The following FGD6 variants were observed in gnomAD, a reference collection of about 807,000 sequenced individuals.
FGD6 encodes the protein FYVE, RhoGEF and PH domain-containing protein 6.
Under a neutral mutation model 149.4 loss-of-function variants are expected in FGD6, and 90 were observed. That is an observed-to-expected ratio of 0.60 (90% CI 0.51 to 0.72). The LOEUF (loss-of-function observed/expected upper bound fraction) is 0.72. FGD6 is among the 30% of genes least tolerant of loss of function. The pLI, the probability that FGD6 is intolerant of heterozygous loss-of-function variation, is 0.00. For missense variants in FGD6, 1,437 were observed against 1,684.8 expected, an observed-to-expected ratio of 0.85 and a Z score of 2.57; for synonymous variants, 527 against 584.0, an observed-to-expected ratio of 0.90 and a Z score of 1.41.
At chr12:95,203,023 T>C (rs765835149) in intron 2 of FGD6, among the ~76,000 whole-genome samples, 6 of 152,200 alleles carry the variant, frequency 3.9e-5, no homozygotes, top group South Asian at 4.1e-4. Context: ...AATCCTTACA[T>C]TGAAATCCAA....
chr12:95,166,605 G>T (rs763932481), intron 3 of FGD6, among the ~76,000 whole-genome samples: 2 of 152,024 alleles, frequency 1.3e-5, no homozygotes, highest in Non-Finnish European at 2.9e-5. Context: ...TAAGGAGGAA[G>T]GGACGAGAGA....
In FGD6 at chr12:95,201,930, A is replaced by C. The variant is rs540735697; in HGVS notation, c.2441+6913T>G. On this transcript the variant is annotated intron_variant, in intron 2 of 20. Coordinates refer to ENST00000343958, the MANE Select transcript of FGD6 (RefSeq NM_018351.4). ...TGTGCAAATTTCAGCTATCTCAAAA[A>C]AATGTTTTACTAAGCAGGACAGAAT... Among the ~76,000 whole-genome samples the C allele has an allele frequency of 4.6e-5, 7 of 151,036 alleles. No individual in the cohort carries two copies. In the East Asian group the frequency reaches 1.4e-3, roughly 29 times the overall value.
chr12:95,120,419 G>A (rs1879154864), intron 8 of FGD6, among the ~76,000 whole-genome samples: 1 of 151,742 alleles, frequency 6.6e-6, no homozygotes, highest in African/African-American at 2.4e-5. Flanking sequence ...GGGCATGGTG[G>A]TTCATGTCTG....
rs1195767678 is a variant in FGD6 at position 95,100,054 on chromosome 12, A to AT, written c.3497+4952dup. 1.9e-3 allele frequency among the ~76,000 whole-genome samples: 29 copies of AT among 15,428 alleles called. 1 individual carries two copies. The highest frequency in any genetic ancestry group is 2.6e-3 in the Non-Finnish European group (25 of 9,670). The allele number at this position is 15,428 out of a possible 152,430, so 10.1% of individuals were successfully genotyped here. On this transcript the variant is annotated intron_variant, in intron 14 of 20. Transcript: ENST00000343958. ...ATGCTCCTCAGAGATAACTTTTCTGATCCCCCCCCCCCCCACCCCATATAA... is the reference window on the plus strand; with the variant it reads ...ATGCTCCTCAGAGATAACTTTTCTGATTCCCCCCCCCCCCCACCCCATATAA...
Position 95,102,780 on chromosome 12 carries a change from A to T in FGD6, c.3497+2227T>A, listed in dbSNP as rs534783402. Reference sequence around the variant, plus strand: ...TGAGTCCTTGACATTCATGGACGTAAGCAAAATTATAAAGGTTGTCAGAAA... The same window carrying T: ...TGAGTCCTTGACATTCATGGACGTATGCAAAATTATAAAGGTTGTCAGAAA... On this transcript the variant is annotated intron_variant, in intron 14 of 20. Coordinates refer to ENST00000343958, the MANE Select transcript of FGD6 (RefSeq NM_018351.4). Among the ~76,000 whole-genome samples the T allele has an allele frequency of 2.7e-3, 417 of 152,224 alleles. 4 individuals are homozygous for T. Among genetic ancestry groups the T allele is most frequent in the African/African-American group, 9.6e-3 (397 of 41,528 alleles).
In FGD6 at chr12:95,082,456, G is replaced by A. The variant is rs563066158; in HGVS notation, c.4257-900C>T. On this transcript the variant is annotated intron_variant, in intron 20 of 20. Coordinates refer to ENST00000343958, the MANE Select transcript of FGD6 (RefSeq NM_018351.4). ...GCAGATCACCTGAGGTCAGAAGTTCGAGACCAGCCTGGCCAATATGGTGAA... is the reference window on the plus strand; with the variant it reads ...GCAGATCACCTGAGGTCAGAAGTTCAAGACCAGCCTGGCCAATATGGTGAA... 2.4e-3 allele frequency among the ~76,000 whole-genome samples: 371 copies of A among 151,864 alleles called. 2 individuals carry two copies. The highest frequency in any genetic ancestry group is 8.5e-3 in the African/African-American group (352 of 41,432).
intron 1 of FGD6, among the ~76,000 whole-genome samples, chr12:95,211,879 A>G (rs1344256565): frequency 3.9e-5 from 6 of 152,158 alleles, no homozygotes; most frequent in African/African-American, 1.2e-4. Context: ...AATTGACTTC[A>G]GTTTGGGACC....
rs988920925 is a variant in FGD6 at position 95,138,266 on chromosome 12, G to A, written c.2838-588C>T. 6.1e-5 allele frequency among the ~76,000 whole-genome samples: 9 copies of A among 147,486 alleles called. No homozygotes were observed. The South Asian group carries it at 8.6e-4, about 14-fold the overall frequency. On this transcript the variant is annotated intron_variant, in intron 6 of 20. Transcript: ENST00000343958. The stretch of plus-strand genomic sequence containing the variant: ...TAAATAACTCACTCACTCCTTGGAT[G>A]GGCACGATGGCTCACGCCTGTAATC...
At chr12:95,097,411 G>A in intron 14 of FGD6, among the ~76,000 whole-genome samples, 1 of 152,034 alleles carries the variant, frequency 6.6e-6, no homozygotes, top group East Asian at 1.9e-4. Flanking sequence ...CGAGGAGGGT[G>A]GATCACCTGA....
chr12:95,094,626 C>A lies in FGD6; in HGVS notation c.3566G>T (p.Arg1189Ile). The A allele has an allele frequency of 6.2e-7, 1 of 1,612,922 alleles. No individual in the cohort carries two copies. Among genetic ancestry groups the A allele is most frequent in the South Asian group, 1.1e-5 (1 of 90,982 alleles). The change falls in exon 15 of 21, where the codon AGA becomes ATA. Residue 1189 changes from arginine (R) to isoleucine (I), a missense_variant. Transcript: ENST00000343958. ...ACTCCTACTAGGACAGAAGGTGATT[C>A]TTTTCTTGGCATACTCTTCTATTGC... ...SRAIEEYAKKRITFCPSRSLD... is the reference protein window; with the variant it reads ...SRAIEEYAKKIITFCPSRSLD...
At chr12:95,162,112 A>G (rs539511663) in intron 3 of FGD6, among the ~76,000 whole-genome samples, 1 of 151,690 alleles carries the variant, frequency 6.6e-6, no homozygotes, top group South Asian at 2.1e-4. Context: ...AAAAAAAAAA[A>G]AAAAAAAGCC....
intron 3 of FGD6, among the ~76,000 whole-genome samples, chr12:95,169,322 A>C (rs577494971): frequency 3.3e-5 from 5 of 152,180 alleles, no homozygotes; most frequent in Non-Finnish European, 7.4e-5. Flanking sequence ...GCTTGAGATG[A>C]TGAAAAAAAT....
chr12:95,127,104 T>G (rs546051489), intron 8 of FGD6, among the ~76,000 whole-genome samples: 18 of 152,104 alleles, frequency 1.2e-4, no homozygotes, highest in African/African-American at 4.1e-4. Context: ...TTGTCTGGAG[T>G]GCAGGACAGC....
intron 8 of FGD6, among the ~76,000 whole-genome samples, chr12:95,131,015 T>G (rs1157034856): frequency 6.6e-6 from 1 of 152,110 alleles, no homozygotes; most frequent in Non-Finnish European, 1.5e-5. Flanking sequence ...TTCACCTTTG[T>G]GCTTGTGCCT....
At chr12:95,179,380 C>G (rs1377596297) in intron 2 of FGD6, among the ~76,000 whole-genome samples, 1 of 151,852 alleles carries the variant, frequency 6.6e-6, no homozygotes, top group Non-Finnish European at 1.5e-5. Flanking sequence ...GCCTGTGGTC[C>G]TAGCTACCTA....
chr12:95,198,999 G>T (rs1342769729), intron 2 of FGD6, among the ~76,000 whole-genome samples: 1 of 152,198 alleles, frequency 6.6e-6, no homozygotes, highest in Non-Finnish European at 1.5e-5. Flanking sequence ...ATATGCATCT[G>T]TGTGTGGGGC....
rs977877863 is a variant in FGD6, at chr12:95,135,340, G to A, written c.2995-514C>T. Among the ~76,000 whole-genome samples, 11 of 152,238 alleles carry A rather than the reference G, an allele frequency of 7.2e-5. No homozygotes were observed. The South Asian group carries it at 1.9e-3, about 26-fold the overall frequency. ...AGAAAGTAAAGATAACCTGAAAAGC[G>A]GCCTTGCTAAGTATCCCTTCTTTAA... On this transcript the variant is annotated intron_variant, in intron 7 of 20. Coordinates refer to ENST00000343958, the MANE Select transcript of FGD6 (RefSeq NM_018351.4).
rs1877562093 is a variant in FGD6 at position 95,078,330 on chromosome 12, C to CA, written c.*3189dup. ...TGACTAAAGTGGATTTCAAACTTTT[C>CA]AAAAGCTGAGCACAATGGAAGCACA... On this transcript the variant is annotated 3_prime_UTR_variant, in exon 21 of 21. Coordinates refer to ENST00000343958, the MANE Select transcript of FGD6 (RefSeq NM_018351.4). The CA allele has an allele frequency of 6.6e-6, 1 of 152,180 alleles. No homozygotes were observed. The highest frequency in any genetic ancestry group is 1.5e-5 in the Non-Finnish European group (1 of 68,020). The allele number at this position is 152,180 out of a possible 1,614,324, so 9.4% of individuals were successfully genotyped here.
chr12:95,187,198 G>A (rs1365982215), intron 2 of FGD6, among the ~76,000 whole-genome samples: 1 of 151,372 alleles, frequency 6.6e-6, no homozygotes. Flanking sequence ...GGTCGTGGTG[G>A]CAGGCGCCTG....
Sources: allele counts gnomAD v4.1 joint callset (sites outside exome capture counted in the v4.1 genomes callset), GRCh38; gene constraint gnomAD v4.1.1; transcripts MANE v1.5; gene names NCBI Gene and HGNC (gene_info 2026-07-23, HGNC 2026-07-21).